The following CDC14A variants were observed in gnomAD, a reference collection of about 807,000 sequenced individuals.
CDC14A encodes the protein cell division cycle 14A, also known as dual specificity protein phosphatase CDC14A.
A neutral mutation model predicts 74.4 loss-of-function variants in CDC14A; 53 were observed. The ratio of observed to expected loss-of-function variants is 0.71; its 90% CI spans 0.57 to 0.89. The LOEUF is 0.89. CDC14A is among the 40% of genes least tolerant of loss of function. The pLI, the probability that CDC14A is intolerant of heterozygous loss-of-function variation, is 0.00. For synonymous variants in CDC14A, 247 were observed against 258.4 expected (o/e 0.96, Z 0.43); for missense variants, 646 against 713.7 (o/e 0.91, Z 1.08).
intron 2 of CDC14A, chr1:100,363,225 G>C (rs1653027831): frequency 1.3e-5 from 2 of 152,226 alleles, no homozygotes; most frequent in African/African-American, 4.8e-5. Flanking sequence ...CCTAGTCCCA[G>C]GTAGTAGTAT....
In CDC14A at chr1:100,443,007, T is replaced by G; in HGVS notation, c.519+11T>G. The G allele has an allele frequency of 6.6e-7, 1 of 1,524,060 alleles. No homozygotes were observed. Among genetic ancestry groups the G allele is most frequent in the Non-Finnish European group, 9.1e-7 (1 of 1,101,940 alleles). 94.4% of individuals were successfully genotyped at this position (1,524,060 alleles called of 1,614,324 possible). A position where few individuals can be genotyped will look rare whatever the true frequency, so the allele number is the denominator to read the frequency against. On this transcript the variant is annotated intron_variant, in intron 7 of 15. Transcript: ENST00000336454. ...TATGAACATTATGAGGTTTGTACAT[T>G]TAATTTTTTTTACAAAACATAATTT...
At chr1:100,493,871 A>G (rs1353563055) in intron 11 of CDC14A, among the ~76,000 whole-genome samples, 1 of 152,238 alleles carries the variant, frequency 6.6e-6, no homozygotes, top group Non-Finnish European at 1.5e-5. Context: ...AAATGACTCA[A>G]ATGTGACTTG....
At chr1:100,485,164 G>A (rs561612410) in intron 11 of CDC14A, 1,347 of 985,310 alleles carry the variant, frequency 1.4e-3, no homozygotes, top group Non-Finnish European at 1.5e-3. Context: ...TAGAAACAAC[G>A]TTGAAACACC....
intron 11 of CDC14A, chr1:100,485,500 C>A: frequency 6.0e-6 from 1 of 167,018 alleles, no homozygotes; most frequent in Non-Finnish European, 1.2e-5. Flanking sequence ...GTGGTCGAAG[C>A]TGTAGTGAGC....
rs34281009 is a variant in CDC14A, at chr1:100,365,941, T to TACACACACACACACAC, written c.141-11584_141-11569dup. Among the ~76,000 whole-genome samples, 717 of 142,484 alleles carry TACACACACACACACAC rather than the reference T, an allele frequency of 5.0e-3. 8 individuals carry two copies. Among genetic ancestry groups the TACACACACACACACAC allele is most frequent in the African/African-American group, 0.015 (576 of 38,366 alleles). The allele number at this position is 142,484 out of a possible 152,430, so 93.5% of individuals were successfully genotyped here. Reference sequence around the variant, plus strand: ...TTGCTGATCAATTTCAACAAAATTTTACACACACACACACACACACACACA... The same window carrying TACACACACACACACAC: ...TTGCTGATCAATTTCAACAAAATTTTACACACACACACACACACACACACACACACACACACACACA... On this transcript the variant is annotated intron_variant, in intron 2 of 15. Coordinates refer to ENST00000336454, the MANE Select transcript of CDC14A (RefSeq NM_003672.4).
chr1:100,393,372 G>A, intron 4 of CDC14A: 1 of 885,918 alleles, frequency 1.1e-6, no homozygotes, highest in South Asian at 1.3e-5. Flanking sequence ...CTCTAACTAG[G>A]CCATAGAATT....
At chr1:100,385,976 G>A (rs1261242527) in intron 3 of CDC14A, among the ~76,000 whole-genome samples, 5 of 151,286 alleles carry the variant, frequency 3.3e-5, no homozygotes, top group East Asian at 1.9e-4. Flanking sequence ...AGACCAGCCT[G>A]GCCAACATGG....
At chr1:100,347,840 C>T (rs1650557365), upstream of CDC14A, among the ~76,000 whole-genome samples, 3 of 152,102 alleles carry the variant, frequency 2.0e-5, no homozygotes, top group African/African-American at 7.2e-5. Flanking sequence ...CTTTGTATCA[C>T]TACTGAACAA....
In CDC14A at chr1:100,499,146, C is replaced by T. The variant is rs1472970950; in HGVS notation, c.1639C>T (p.Leu547=). 6.2e-7 allele frequency: 1 copy of T among 1,614,146 alleles called. No homozygotes were observed. Among genetic ancestry groups the T allele is most frequent in the Non-Finnish European group, 8.5e-7 (1 of 1,180,030 alleles). The part of the protein sequence containing the change: ...NRSSNSNGGN[L]NSPPGPHSAK... ...AAGCAGCAACAGCAACGGGGGCAAC[C>T]TGAACAGCCCCCCAGGCCCCCACAG... is the stretch of plus-strand genomic sequence containing the variant. Residue 547 remains leucine (L), a synonymous_variant, in exon 15 of 16, where the codon CTG becomes TTG. Coordinates refer to ENST00000336454, the MANE Select transcript of CDC14A (RefSeq NM_003672.4).
intron 8 of CDC14A, among the ~76,000 whole-genome samples, chr1:100,462,120 A>G (rs1003799248): frequency 2.6e-5 from 4 of 152,234 alleles, no homozygotes; most frequent in African/African-American, 9.6e-5. Context: ...GGAATTAGCC[A>G]TACTTAAGAG....
At chr1:100,398,777 T>C (rs1658884873) in intron 4 of CDC14A, among the ~76,000 whole-genome samples, 1 of 152,142 alleles carries the variant, frequency 6.6e-6, no homozygotes, top group African/African-American at 2.4e-5. Context: ...GCCTTGTTCC[T>C]GGAGTTGAGG....
intron 11 of CDC14A, among the ~76,000 whole-genome samples, chr1:100,491,548 C>CTATATATA (rs67056785): frequency 2.8e-4 from 11 of 38,754 alleles, no homozygotes; most frequent in East Asian, 1.8e-3. Context: ...CTCTCTCTCT[C>CTATATATA]TATATATATA....
chr1:100,507,506 C>T (rs1171517229), intron 15 of CDC14A, among the ~76,000 whole-genome samples: 3 of 151,508 alleles, frequency 2.0e-5, no homozygotes, highest in Non-Finnish European at 2.9e-5. Context: ...TGCTATGTTG[C>T]CCAGGTTGGT....
intron 12 of CDC14A, among the ~76,000 whole-genome samples, chr1:100,495,460 C>G (rs1012814482): frequency 6.6e-6 from 1 of 152,170 alleles, no homozygotes; most frequent in African/African-American, 2.4e-5. Flanking sequence ...GACTTGACTT[C>G]TGATCACATT....
At chr1:100,346,077 A>G (rs1650392201) in intron 1 of CDC14A, among the ~76,000 whole-genome samples, 1 of 152,184 alleles carries the variant, frequency 6.6e-6, no homozygotes, top group Non-Finnish European at 1.5e-5. Flanking sequence ...AGGCTGAGGC[A>G]GGAGAATTGC....
rs867903582 is a variant in CDC14A, at chr1:100,489,762, A to G, written c.1138-5056A>G. 2.0e-5 allele frequency among the ~76,000 whole-genome samples: 3 copies of G among 152,152 alleles called. No individual in the cohort carries two copies. In the South Asian group the frequency reaches 6.2e-4, roughly 32 times the overall value. Reference sequence around the variant, plus strand: ...AGAGCAGACCCCTTTCCTGTGGGGGACAAAGATAGGAGGGTCTTCCCTGGA... The same window carrying G: ...AGAGCAGACCCCTTTCCTGTGGGGGGCAAAGATAGGAGGGTCTTCCCTGGA... On this transcript the variant is annotated intron_variant, in intron 11 of 15. Coordinates refer to ENST00000336454, the MANE Select transcript of CDC14A (RefSeq NM_003672.4).
rs1295695675 is a variant in CDC14A, at chr1:100,508,106, C to T, written c.1755+8844C>T. 1.3e-5 allele frequency among the ~76,000 whole-genome samples: 2 copies of T among 152,032 alleles called. No homozygotes were observed. Among genetic ancestry groups the T allele is most frequent in the Non-Finnish European group, 2.9e-5 (2 of 68,006 alleles). On this transcript the variant is annotated intron_variant, in intron 15 of 15. Transcript: ENST00000336454. The surrounding 1 kb of genome is among the most constrained non-coding windows in gnomAD (Gnocchi z 4.4). Reference sequence around the variant, plus strand: ...TGAATTCCTCCTATTATTTTCAATTCGTGAATTTTCTTTAATGTGTCCATT... The same window carrying T: ...TGAATTCCTCCTATTATTTTCAATTTGTGAATTTTCTTTAATGTGTCCATT...
At chr1:100,412,700 A>ATATATATATATATATATATATATATATTT (rs1660881895) in intron 4 of CDC14A, among the ~76,000 whole-genome samples, 1 of 92,794 alleles carries the variant, frequency 1.1e-5, no homozygotes, top group Non-Finnish European at 1.8e-5. Context: ...TATGTTTTAT[A>ATATATATATATATATATATATATATATTT]TATATATATA....
At chr1:100,450,095 A>G (rs1417656270) in intron 7 of CDC14A, among the ~76,000 whole-genome samples, 1 of 152,160 alleles carries the variant, frequency 6.6e-6, no homozygotes, top group Non-Finnish European at 1.5e-5. Flanking sequence ...TGGAACATCA[A>G]TTTAGTTTAA....
Sources: allele counts gnomAD v4.1 joint callset (sites outside exome capture counted in the v4.1 genomes callset), GRCh38; gene constraint gnomAD v4.1.1; non-coding constraint Gnocchi (gnomAD v3.1); transcripts MANE v1.5; gene names NCBI Gene and HGNC (gene_info 2026-07-23, HGNC 2026-07-21).